The following RBFOX1 variants were observed in gnomAD, a reference collection of about 807,000 sequenced individuals.
The protein encoded by RBFOX1 is RNA binding protein fox-1 homolog 1.
Under a neutral mutation model 57.7 loss-of-function variants are expected in RBFOX1, and 8 were observed. The observed-to-expected ratio is 0.14, with a 90% CI of 0.08 to 0.25. The LOEUF (loss-of-function observed/expected upper bound fraction) is 0.25. RBFOX1 is among the 10% of genes least tolerant of loss of function. The probability of loss-of-function intolerance (pLI) is 1.00; values close to 1 mark genes in which losing one functional copy is unlikely to be tolerated. For synonymous variants in RBFOX1, 326 were observed against 222.4 expected, an observed-to-expected ratio of 1.47 and a Z score of -4.15; for missense variants, 611 against 548.5, an observed-to-expected ratio of 1.11 and a Z score of -1.14.
At chr16:5,761,853 A>G (rs567293141) in intron 3 of RBFOX1, among the ~76,000 whole-genome samples, 1 of 152,110 alleles carries the variant, frequency 6.6e-6, no homozygotes, top group African/African-American at 2.4e-5. Context: ...TGATATCCCC[A>G]CTGGAGGGGC....
intron 3 of RBFOX1, among the ~76,000 whole-genome samples, chr16:5,844,411 A>C (rs1267463259): frequency 6.6e-6 from 1 of 152,208 alleles, no homozygotes; most frequent in Non-Finnish European, 1.5e-5. Flanking sequence ...ATGGTCCCCA[A>C]AGTAATTGGC....
In RBFOX1 at chr16:6,356,907, C is replaced by T. The variant is rs188474540; in HGVS notation, c.-64+39850C>T. Among the ~76,000 whole-genome samples the T allele has an allele frequency of 2.6e-5, 4 of 152,236 alleles. No homozygotes were observed. The East Asian group carries it at 5.8e-4, about 22-fold the overall frequency. ...GCAATTTTTTCTGTAAATCCAAAAG[C>T]GTTCTAAAAATGAAATAAGTCTATG... On this transcript the variant is annotated intron_variant, in intron 2 of 15. Transcript: ENST00000550418.
chr16:5,295,324 A>T (rs1230876196), intron 1 of RBFOX1, among the ~76,000 whole-genome samples: 2 of 152,182 alleles, frequency 1.3e-5, no homozygotes, highest in Admixed American at 6.5e-5. Flanking sequence ...ATGATGTAAG[A>T]CAGTTTTTAT....
intron 3 of RBFOX1, among the ~76,000 whole-genome samples, chr16:6,914,629 T>G (rs1048389284): frequency 4.6e-5 from 7 of 151,460 alleles, no homozygotes; most frequent in African/African-American, 1.7e-4. Flanking sequence ...ATCGCAGCAC[T>G]TTGGGAGGCT....
At chr16:7,094,005 A>G (rs754826781) in intron 4 of RBFOX1, among the ~76,000 whole-genome samples, 1 of 151,364 alleles carries the variant, frequency 6.6e-6, no homozygotes, top group Non-Finnish European at 1.5e-5. Context: ...TGTTGTCTTT[A>G]TGATTGTGTT....
intron 3 of RBFOX1, among the ~76,000 whole-genome samples, chr16:6,680,678 C>T (rs562637533): frequency 4.6e-5 from 7 of 152,170 alleles, no homozygotes; most frequent in Non-Finnish European, 8.8e-5. Flanking sequence ...CAAAGTTTAC[C>T]GCTTAGAGGT....
chr16:7,639,667 C>A (rs762217896), intron 11 of RBFOX1, among the ~76,000 whole-genome samples: 3 of 152,090 alleles, frequency 2.0e-5, no homozygotes, highest in Non-Finnish European at 4.4e-5. Context: ...GGAAGTAACA[C>A]CCAACAGGAG....
intron 2 of RBFOX1, among the ~76,000 whole-genome samples, chr16:6,586,004 A>C (rs1273215224): frequency 6.6e-6 from 1 of 152,186 alleles, no homozygotes; most frequent in Non-Finnish European, 1.5e-5. Context: ...GTTGCCCAAT[A>C]AGTGAAATAA....
chr16:6,927,439 A>AAG (rs869233820), intron 3 of RBFOX1, among the ~76,000 whole-genome samples: 1 of 149,658 alleles, frequency 6.7e-6, no homozygotes, highest in African/African-American at 2.5e-5. Context: ...AAAAAAAAAA[A>AAG]TCCGAACGTC....
intron 1 of RBFOX1, among the ~76,000 whole-genome samples, chr16:5,321,233 G>A (rs1344827462): frequency 6.6e-6 from 1 of 152,220 alleles, no homozygotes; most frequent in Non-Finnish European, 1.5e-5. Flanking sequence ...GTCTCCAGAC[G>A]TTGAATGTCT....
At position 6,350,440 on chromosome 16, in the gene RBFOX1, T is replaced by TC. The variant is rs550783370; in HGVS notation, c.-64+33384dup. Among the ~76,000 whole-genome samples the TC allele has an allele frequency of 1.0e-2, 736 of 73,866 alleles. 24 individuals carry two copies. Among genetic ancestry groups the TC allele is most frequent in the Non-Finnish European group, 0.012 (500 of 42,552 alleles). The allele number at this position is 73,866 out of a possible 152,430, so 48.5% of individuals were successfully genotyped here. A position where few individuals can be genotyped will look rare whatever the true frequency, so the allele number is the denominator to read the frequency against. ...TGGGCAACAAGAGTGAAACTCTGTC[T>TC]CAAGAAAAAAAAAAAAAAAAAAAAA... On this transcript the variant is annotated intron_variant, in intron 2 of 15. Transcript: ENST00000550418.
chr16:6,299,841 G>A (rs981003087), intron 1 of RBFOX1, among the ~76,000 whole-genome samples: 1 of 152,102 alleles, frequency 6.6e-6, no homozygotes, highest in East Asian at 1.9e-4. Flanking sequence ...TAAAAAAATG[G>A]CATTAAAAAC....
intron 2 of RBFOX1, among the ~76,000 whole-genome samples, chr16:6,549,623 A>T (rs2096955594): frequency 6.6e-6 from 1 of 151,716 alleles, no homozygotes; most frequent in African/African-American, 2.4e-5. Context: ...AATTGTAGGG[A>T]AGGCTTTGAT....
At chr16:5,482,445 A>G (rs2069578641) in intron 2 of RBFOX1, among the ~76,000 whole-genome samples, 1 of 152,112 alleles carries the variant, frequency 6.6e-6, no homozygotes, top group Admixed American at 6.5e-5. Flanking sequence ...GCAAATTTTC[A>G]TGGGTGAAGC....
intron 4 of RBFOX1, among the ~76,000 whole-genome samples, chr16:7,244,908 A>G (rs1300982057): frequency 6.6e-6 from 1 of 152,166 alleles, no homozygotes; most frequent in Non-Finnish European, 1.5e-5. Context: ...AAGTGAAGCT[A>G]ATTGGTAATT....
At chr16:7,237,287 C>G (rs1288650025) in intron 4 of RBFOX1, among the ~76,000 whole-genome samples, 1 of 152,204 alleles carries the variant, frequency 6.6e-6, no homozygotes, top group Non-Finnish European at 1.5e-5. Context: ...CTTCCGTCCT[C>G]TCTCCCTCCC....
intron 4 of RBFOX1, among the ~76,000 whole-genome samples, chr16:7,210,682 C>T (rs899288915): frequency 2.0e-5 from 3 of 152,210 alleles, no homozygotes; most frequent in Non-Finnish European, 4.4e-5. Context: ...AAAGTTCTTA[C>T]ATGTGTTTTC....
At chr16:6,379,358 A>G (rs2091549577) in intron 2 of RBFOX1, among the ~76,000 whole-genome samples, 1 of 152,190 alleles carries the variant, frequency 6.6e-6, no homozygotes, top group Admixed American at 6.5e-5. Context: ...CCAGTTAGCC[A>G]GGATATTCCT....
chr16:7,502,314 A>T (rs1264804569), intron 4 of RBFOX1, among the ~76,000 whole-genome samples: 1 of 152,202 alleles, frequency 6.6e-6, no homozygotes, highest in Non-Finnish European at 1.5e-5. Context: ...ATGGACAAGC[A>T]CCTGCCCTTA....
Sources: allele counts gnomAD v4.1 joint callset (sites outside exome capture counted in the v4.1 genomes callset), GRCh38; gene constraint gnomAD v4.1.1; transcripts MANE v1.5; gene names NCBI Gene and HGNC (gene_info 2026-07-23, HGNC 2026-07-21).